The following ZNF423 variants were observed in gnomAD, a reference collection of about 807,000 sequenced individuals.
ZNF423 encodes the protein zinc finger protein 423.
In ZNF423, 12 loss-of-function variants were observed where a neutral mutation model predicts 95.8. That is an observed-to-expected ratio of 0.13 (90% confidence interval 0.08 to 0.20). The LOEUF is 0.20. Ranked by LOEUF, ZNF423 falls within the 10% of genes least tolerant of loss-of-function variation. The probability of loss-of-function intolerance (pLI) is 1.00; values close to 1 mark genes in which losing one functional copy is unlikely to be tolerated. For synonymous variants in ZNF423, 749 were observed against 711.9 expected, an observed-to-expected ratio of 1.05 and a Z score of -0.83; for missense variants, 1,316 against 1,737.1, an observed-to-expected ratio of 0.76 and a Z score of 4.31.
chr16:49,549,968 ACTCAAGCGATCCTCCCAC>A (rs1340922727), intron 5 of ZNF423, among the ~76,000 whole-genome samples: 1 of 151,612 alleles, frequency 6.6e-6, no homozygotes, highest in Non-Finnish European at 1.5e-5. Context: ...GACCTCACAG[ACTCAAGCGATCCTCCCAC>A]CTCAGCCTCC....
At chr16:49,651,333 G>T (rs993008509) in intron 3 of ZNF423, among the ~76,000 whole-genome samples, 1 of 151,986 alleles carries the variant, frequency 6.6e-6, no homozygotes, top group Admixed American at 6.6e-5. Context: ...GCCCACTTAC[G>T]GTTTTTCTTG....
At chr16:49,695,376 T>G (rs552107251) in intron 3 of ZNF423, among the ~76,000 whole-genome samples, 2 of 152,330 alleles carry the variant, frequency 1.3e-5, no homozygotes, top group African/African-American at 4.8e-5. Flanking sequence ...CACCGCAACC[T>G]CCACCTCCCA....
chr16:49,591,073 G>C (rs983264092), intron 5 of ZNF423, among the ~76,000 whole-genome samples: 10 of 152,210 alleles, frequency 6.6e-5, no homozygotes, highest in African/African-American at 2.2e-4. Context: ...CCTACTGTTG[G>C]GGGGAAATGA....
At chr16:49,752,715 G>C (rs764034926) in intron 2 of ZNF423, among the ~76,000 whole-genome samples, 7 of 152,192 alleles carry the variant, frequency 4.6e-5, no homozygotes, top group Non-Finnish European at 1.5e-5. Context: ...ATGCATCCCC[G>C]TGTGACCCTA....
At chr16:49,697,314 G>A (rs761588063) in intron 3 of ZNF423, among the ~76,000 whole-genome samples, 7 of 152,116 alleles carry the variant, frequency 4.6e-5, no homozygotes, top group Admixed American at 2.6e-4. Context: ...GAGAGAGAAG[G>A]CCAGGAATCC....
chr16:49,638,397 G>A lies in ZNF423; in HGVS notation c.779C>T (p.Ala260Val), dbSNP rs2151887120. 1.9e-6 allele frequency: 3 copies of A among 1,613,954 alleles called. No individual in the cohort carries two copies. In the East Asian group the frequency reaches 6.7e-5, roughly 36 times the overall value. ...CTTCTTGGCTTCCTTCTCCGACTTG[G>A]CCAGATGCTCCTTGTTCTTTTTGTG... Reference protein sequence around the residue: ...QAHKKNKEHLAKSEKEAKKDD... With the variant: ...QAHKKNKEHLVKSEKEAKKDD... Residue 260 changes from alanine to valine, a missense_variant, in exon 4 of 8, where the codon GCC becomes GTC. Coordinates refer to ENST00000563137, the MANE Select transcript of ZNF423 (RefSeq NM_001379286.1). The surrounding 1 kb of genome is among the most constrained non-coding windows in gnomAD (Gnocchi z 5.6).
rs745433383 is a variant in ZNF423 at position 49,637,086 on chromosome 16, G to A, written c.2090C>T (p.Ser697Leu). 30 of 1,613,588 alleles carry A rather than the reference G, an allele frequency of 1.9e-5. No individual in the cohort carries two copies. Among genetic ancestry groups the A allele is most frequent in the African/African-American group, 1.1e-4 (8 of 74,932 alleles). ...GCAGCTCTCGCACACATAGTGGGTC[G>A]ACGTGGTCATGTAATGCACTGTCAG... is the stretch of plus-strand genomic sequence containing the variant. The part of the protein sequence containing the change: ...QHLTVHYMTT[S>L]THYVCESCDK... The change falls in exon 4 of 8, where the codon TCG (serine) becomes TTG (leucine). Residue 697 changes from serine to leucine, a missense_variant. Ser to Leu is a moderately radical substitution (Grantham distance 145). Transcript: ENST00000563137. This position sits in a 1 kb window ranked among gnomAD's most constrained non-coding sequence, Gnocchi z 5.6.
chr16:49,823,265 C>G (rs879857197), intron 1 of ZNF423, among the ~76,000 whole-genome samples: 23 of 152,236 alleles, frequency 1.5e-4, no homozygotes, highest in Non-Finnish European at 2.9e-4. Context: ...CACGGGGCTT[C>G]TGTTCAGAGC....
intron 7 of ZNF423, among the ~76,000 whole-genome samples, chr16:49,494,232 A>G (rs1967074143): frequency 6.6e-6 from 1 of 152,246 alleles, no homozygotes; most frequent in Non-Finnish European, 1.5e-5. Flanking sequence ...AAATAGCAGT[A>G]GCAGGGGGCT....
At chr16:49,819,658 G>A (rs755787194) in intron 1 of ZNF423, among the ~76,000 whole-genome samples, 6 of 151,958 alleles carry the variant, frequency 3.9e-5, no homozygotes, top group African/African-American at 7.3e-5. Flanking sequence ...CATGTTGGCC[G>A]GGCTGGTCTC....
intron 5 of ZNF423, among the ~76,000 whole-genome samples, chr16:49,579,052 T>C (rs972261715): frequency 6.6e-6 from 1 of 152,182 alleles, no homozygotes; most frequent in African/African-American, 2.4e-5. Flanking sequence ...GATTCCTCCA[T>C]GTTCCCCAGG....
chr16:49,792,323 T>A (rs2034429981), intron 1 of ZNF423, among the ~76,000 whole-genome samples: 1 of 152,214 alleles, frequency 6.6e-6, no homozygotes, highest in Non-Finnish European at 1.5e-5. Context: ...CTTAGGAAGA[T>A]CTGGCCTCGG....
rs376226378 is a variant in ZNF423 at position 49,621,298 on chromosome 16, G to A, written c.3601+4872C>T. 9.1e-4 allele frequency among the ~76,000 whole-genome samples: 138 copies of A among 152,230 alleles called. 4 individuals are homozygous for A. In the South Asian group the frequency reaches 0.027, roughly 30 times the overall value. ...AGGGAAGGGGCCTCATTCTCCATGC[G>A]GAGGGGGGATTTCAAAGGAGACCCT... is the stretch of plus-strand genomic sequence containing the variant. On this transcript the variant is annotated intron_variant, in intron 5 of 7. Transcript: ENST00000563137.
intron 3 of ZNF423, among the ~76,000 whole-genome samples, chr16:49,670,629 C>A (rs2030761806): frequency 6.6e-6 from 1 of 152,208 alleles, no homozygotes; most frequent in Non-Finnish European, 1.5e-5. Flanking sequence ...CCATCTGCAT[C>A]TCGGGGACGC....
chr16:49,729,768 C>G (rs2033117256), intron 3 of ZNF423, among the ~76,000 whole-genome samples: 1 of 151,864 alleles, frequency 6.6e-6, no homozygotes. Context: ...CACTAGAGGG[C>G]AAATCATAGC....
intron 3 of ZNF423, among the ~76,000 whole-genome samples, chr16:49,693,309 T>C (rs1285929523): frequency 6.6e-6 from 1 of 152,178 alleles, no homozygotes; most frequent in East Asian, 1.9e-4. Context: ...CTATCGTTAG[T>C]TCCATTTTAC....
chr16:49,813,354 T>G (rs2034784538), intron 1 of ZNF423, among the ~76,000 whole-genome samples: 1 of 152,026 alleles, frequency 6.6e-6, no homozygotes, highest in African/African-American at 2.4e-5. Context: ...AGGAGAGCAG[T>G]GACAGCCAAG....
At chr16:49,652,972 C>T (rs1397904178) in intron 3 of ZNF423, among the ~76,000 whole-genome samples, 1 of 152,076 alleles carries the variant, frequency 6.6e-6, no homozygotes, top group Non-Finnish European at 1.5e-5. Flanking sequence ...CTCTGTGTAC[C>T]GTTCTAAACT....
At chr16:49,717,357 C>T (rs1308829498) in intron 3 of ZNF423, among the ~76,000 whole-genome samples, 1 of 152,224 alleles carries the variant, frequency 6.6e-6, no homozygotes, top group Non-Finnish European at 1.5e-5. Flanking sequence ...AAGCTCTTGC[C>T]TACCCCTCAG....
Sources: gnomAD v4.1 joint callset for allele counts (sites outside exome capture counted in the v4.1 genomes callset) on GRCh38, gnomAD v4.1.1 for gene constraint, Gnocchi (gnomAD v3.1) non-coding constraint, MANE v1.5 for transcripts, NCBI Gene and HGNC (gene_info 2026-07-23, HGNC 2026-07-21) for gene names.